SMURF2: variants seen among roughly 807,000 people sequenced by gnomAD.
The protein encoded by SMURF2 is E3 ubiquitin-protein ligase SMURF2.
Under a neutral mutation model 109.6 loss-of-function variants are expected in SMURF2, and 48 were observed. The observed-to-expected ratio is 0.44, with a 90% CI of 0.35 to 0.56. The LOEUF (loss-of-function observed/expected upper bound fraction) is 0.56. Ranked by LOEUF, SMURF2 falls within the 20% of genes least tolerant of loss-of-function variation. The pLI, the probability that SMURF2 is intolerant of heterozygous loss-of-function variation, is 0.01. For missense variants in SMURF2, 575 were observed against 909.0 expected (o/e 0.63, Z 4.72); for synonymous variants, 288 against 317.1 (o/e 0.91, Z 0.97).
At chr17:64,653,900 T>C (rs1598318993) in intron 1 of SMURF2, among the ~76,000 whole-genome samples, 1 of 152,104 alleles carries the variant, frequency 6.6e-6, no homozygotes, top group East Asian at 1.9e-4. Context: ...TCCTCAGGAA[T>C]GAAAAGGAAC....
Position 64,546,280 on chromosome 17 carries a change from C to T in SMURF2, c.2130G>A (p.Leu710=). 2 of 1,614,050 alleles carry T rather than the reference C, an allele frequency of 1.2e-6. No individual in the cohort carries two copies. Among genetic ancestry groups the T allele is most frequent in the Non-Finnish European group, 1.7e-6 (2 of 1,179,974 alleles). ...TACCTTACCAAGTGTGGGCTTTCGG[C>T]AGGTTGTTAGTGCAGGCATCAATCT... ...IHQIDACTNN[L]PKAHTCFNRI... Residue 710 remains leucine (L), a synonymous_variant, in exon 18 of 19, where the codon CTG becomes CTA. Coordinates refer to ENST00000262435, the MANE Select transcript of SMURF2 (RefSeq NM_022739.4).
chr17:64,662,008 T>C lies in SMURF2; in HGVS notation c.-128A>G. ...CGCCTCGGCCGCCACGGCCGGAGGG[T>C]CCCGGATGTGCCGAGAGTCGTCGCC... On this transcript the variant is annotated 5_prime_UTR_variant, in exon 1 of 19. Coordinates refer to ENST00000262435, the MANE Select transcript of SMURF2 (RefSeq NM_022739.4). The C allele has an allele frequency of 9.0e-7, 1 of 1,109,642 alleles. No individual in the cohort carries two copies. The highest frequency in any genetic ancestry group is 1.1e-6 in the Non-Finnish European group (1 of 910,974). The allele number at this position is 1,109,642 out of a possible 1,614,324, so 68.7% of individuals were successfully genotyped here. A position where few individuals can be genotyped will look rare whatever the true frequency, so the allele number is the denominator to read the frequency against.
chr17:64,547,045 A>AC lies in SMURF2; in HGVS notation c.2071+554_2071+555insG, dbSNP rs1968966275. ...AACTGCCACCCAGTGAAGCACCACA[A>AC]TCATTAGCAATATTACCAGCTCCTC... On this transcript the variant is annotated intron_variant, in intron 17 of 18. Coordinates refer to ENST00000262435, the MANE Select transcript of SMURF2 (RefSeq NM_022739.4). The surrounding 1 kb of genome is among the most constrained non-coding windows in gnomAD (Gnocchi z 4.2). Among the ~76,000 whole-genome samples, 1 of 152,244 alleles carries AC rather than the reference A, an allele frequency of 6.6e-6. No homozygotes were observed. Among genetic ancestry groups the AC allele is most frequent in the Non-Finnish European group, 1.5e-5 (1 of 68,036 alleles).
Position 64,661,557 on chromosome 17 carries a change from C to G in SMURF2, c.52+272G>C, listed in dbSNP as rs538979370. Among the ~76,000 whole-genome samples, 4 of 152,276 alleles carry G rather than the reference C, an allele frequency of 2.6e-5. No individual in the cohort carries two copies. The South Asian group carries it at 8.3e-4, about 32-fold the overall frequency. ...GCAGCGTCTGGCTCCTTGACCAAGACTTTCCGACCTGAAATCCGCCTGCGA... is the reference window on the plus strand; with the variant it reads ...GCAGCGTCTGGCTCCTTGACCAAGAGTTTCCGACCTGAAATCCGCCTGCGA... On this transcript the variant is annotated intron_variant, in intron 1 of 18. Transcript: ENST00000262435.
rs1968935122 is a variant in SMURF2 at position 64,545,487 on chromosome 17, A to G, written c.*361T>C. On this transcript the variant is annotated 3_prime_UTR_variant, in exon 19 of 19. Transcript: ENST00000262435. Reference sequence around the variant, plus strand: ...GTTGTCTTGATGTTTGAGAGACTTGAAATCTGTGAAGAAATTTGAATAGAT... The same window carrying G: ...GTTGTCTTGATGTTTGAGAGACTTGGAATCTGTGAAGAAATTTGAATAGAT... The G allele has an allele frequency of 6.2e-6, 1 of 160,784 alleles. No individual in the cohort carries two copies. The highest frequency in any genetic ancestry group is 6.2e-5 in the Admixed American group (1 of 16,162). The allele number at this position is 160,784 out of a possible 1,614,324, so 10.0% of individuals were successfully genotyped here.
chr17:64,563,289 G>A (rs1336777547), intron 10 of SMURF2: 1 of 187,434 alleles, frequency 5.3e-6, no homozygotes. Context: ...ATTCAGGCAT[G>A]TGCCAAACAC....
At chr17:64,658,567 A>G (rs995446791) in intron 1 of SMURF2, among the ~76,000 whole-genome samples, 5 of 152,238 alleles carry the variant, frequency 3.3e-5, no homozygotes, top group African/African-American at 1.2e-4. Flanking sequence ...AATTAATAAC[A>G]TGAGAAGCAG....
intron 5 of SMURF2, 23 bp from the exon 6 acceptor site, chr17:64,586,193 C>A (rs781882891): frequency 6.8e-7 from 1 of 1,475,418 alleles, no homozygotes; most frequent in Admixed American, 1.8e-5. Context: ...AGAAATATTA[C>A]TAAGATTCAT....
chr17:64,606,786 G>C (rs1222260930), intron 1 of SMURF2, 146 bp from the exon 2 acceptor site: 2 of 549,166 alleles, frequency 3.6e-6, no homozygotes, highest in Non-Finnish European at 6.3e-6. Flanking sequence ...TTTCGAACTA[G>C]CAAATAAAAG....
At chr17:64,586,274 A>C in intron 5 of SMURF2, 104 bp from the exon 6 acceptor site, 4 of 620,338 alleles carry the variant, frequency 6.4e-6, no homozygotes, top group Non-Finnish European at 1.1e-5. Context: ...TTATTTTAAT[A>C]CTTTAGAATG....
chr17:64,556,210 G>A lies in SMURF2; in HGVS notation c.1432-212C>T, dbSNP rs781786216. Among the ~76,000 whole-genome samples, 40 of 151,882 alleles carry A rather than the reference G, an allele frequency of 2.6e-4. 1 individual carries two copies. The highest frequency in any genetic ancestry group is 4.7e-4 in the Non-Finnish European group (32 of 68,000). On this transcript the variant is annotated intron_variant, in intron 13 of 18. Coordinates refer to ENST00000262435, the MANE Select transcript of SMURF2 (RefSeq NM_022739.4). ...TTACACAGGGTAATATGCCCTTCTC[G>A]CAGGGGCCAGTCATTTTGTAAATTT... is the stretch of plus-strand genomic sequence containing the variant.
intron 10 of SMURF2, among the ~76,000 whole-genome samples, chr17:64,570,701 TCA>T (rs1969385487): frequency 3.3e-5 from 5 of 152,198 alleles, no homozygotes; most frequent in Admixed American, 3.3e-4. Flanking sequence ...CCTCTATACC[TCA>T]GTTTCCTCAT....
intron 1 of SMURF2, among the ~76,000 whole-genome samples, chr17:64,619,711 A>G (rs1476718218): frequency 2.0e-5 from 3 of 151,922 alleles, no homozygotes; most frequent in Non-Finnish European, 2.9e-5. Context: ...CATGGCCCCC[A>G]TAATCTCTCC....
intron 11 of SMURF2, among the ~76,000 whole-genome samples, chr17:64,561,892 T>C (rs376489400): frequency 1.6e-3 from 247 of 152,206 alleles, no homozygotes; most frequent in African/African-American, 5.8e-3. Flanking sequence ...CCTAGCTACT[T>C]GGAAGGCTAA....
At chr17:64,612,527 A>G (rs1011593266) in intron 1 of SMURF2, among the ~76,000 whole-genome samples, 1 of 151,066 alleles carries the variant, frequency 6.6e-6, no homozygotes, top group African/African-American at 2.4e-5. Flanking sequence ...AAAAAAAATT[A>G]GCCAGGTGTG....
At position 64,580,847 on chromosome 17, in the gene SMURF2, A is replaced by G; in HGVS notation, c.714T>C (p.His238=). 10 of 1,614,108 alleles carry G rather than the reference A, an allele frequency of 6.2e-6. No homozygotes were observed. The highest frequency in any genetic ancestry group is 8.5e-6 in the Non-Finnish European group (10 of 1,180,016). ...LAERRVRSQR[H]RNYMSRTHLH... ...AATGTGTTCTGCTCATGTAATTTCT[A>G]TGTCGTTGTGACCTGACTCTCCTCT... Residue 238 remains histidine, a synonymous_variant, in exon 8 of 19, where the codon CAT becomes CAC. Coordinates refer to ENST00000262435, the MANE Select transcript of SMURF2 (RefSeq NM_022739.4).
intron 8 of SMURF2, among the ~76,000 whole-genome samples, chr17:64,580,207 T>C (rs1307946966): frequency 6.6e-6 from 1 of 152,214 alleles, no homozygotes; most frequent in Non-Finnish European, 1.5e-5. Flanking sequence ...GAAACTTCCG[T>C]ATTCTATTAG....
chr17:64,581,926 A>C lies in SMURF2; in HGVS notation c.570-935T>G, dbSNP rs896646107. ...CAGTGAGCCGAGATCGTACCACTGC[A>C]CTCTAGCCTAGGCAATAGAGCGGGA... On this transcript the variant is annotated intron_variant, in intron 7 of 18. Coordinates refer to ENST00000262435, the MANE Select transcript of SMURF2 (RefSeq NM_022739.4). This position sits in a 1 kb window ranked among gnomAD's most constrained non-coding sequence, Gnocchi z 4.3. 6.6e-6 allele frequency among the ~76,000 whole-genome samples: 1 copy of C among 151,308 alleles called. No individual in the cohort carries two copies. The highest frequency in any genetic ancestry group is 2.4e-5 in the African/African-American group (1 of 41,148).
intron 1 of SMURF2, among the ~76,000 whole-genome samples, chr17:64,611,350 G>T (rs1970041934): frequency 6.6e-6 from 1 of 151,882 alleles, no homozygotes; most frequent in African/African-American, 2.4e-5. Flanking sequence ...TTACTCTATG[G>T]TTATGATGAT....
Sources: gnomAD v4.1 joint callset for allele counts (sites outside exome capture counted in the v4.1 genomes callset) on GRCh38, gnomAD v4.1.1 for gene constraint, Gnocchi (gnomAD v3.1) non-coding constraint, MANE v1.5 for transcripts, NCBI Gene and HGNC (gene_info 2026-07-23, HGNC 2026-07-21) for gene names.